NTRK1: variants seen among roughly 807,000 people sequenced by gnomAD.
The protein encoded by NTRK1 is high affinity nerve growth factor receptor.
In NTRK1, 62 loss-of-function variants were observed where a neutral mutation model predicts 86.8. That is an observed-to-expected ratio of 0.71 (90% CI 0.58 to 0.88). NTRK1 has a LOEUF of 0.88. Ranked by LOEUF, NTRK1 falls within the 40% of genes least tolerant of loss-of-function variation. The pLI, the probability that NTRK1 is intolerant of heterozygous loss-of-function variation, is 0.00. For missense variants in NTRK1, 967 were observed against 1,078.4 expected (o/e 0.90, Z 1.45); for synonymous variants, 469 against 456.6 (o/e 1.03, Z -0.35).
At chr1:156,837,814 G>A (rs1654634359) in intron 1 of NTRK1, 1 of 152,218 alleles carries the variant, frequency 6.6e-6, no homozygotes, top group Admixed American at 6.5e-5. Flanking sequence ...CCAAGGGCAA[G>A]GTCCAAAGTG....
chr1:156,836,737 ATGAGGAG>A (rs1405509797), intron 1 of NTRK1, among the ~76,000 whole-genome samples: 81 of 28,558 alleles, frequency 2.8e-3, no homozygotes, highest in Middle Eastern at 0.059. Flanking sequence ...ACAGGGCTGA[ATGAGGAG>A]CATATTTCAC....
chr1:156,874,053 T>A, intron 8 of NTRK1, 94 bp downstream of exon 8: 1 of 1,349,290 alleles, frequency 7.4e-7, no homozygotes, highest in Non-Finnish European at 1.0e-6. Flanking sequence ...GAAATTGGAG[T>A]GCCTGGTTCG....
chr1:156,876,028 C>T (rs1235956333), intron 12 of NTRK1, 52 bp from the exon 13 acceptor site: 10 of 1,613,776 alleles, frequency 6.2e-6, no homozygotes, highest in Non-Finnish European at 8.5e-6. Flanking sequence ...CCCGCTACAA[C>T]CCCAGCCCTC....
intron 2 of NTRK1, 30 bp downstream of exon 2, chr1:156,864,458 G>A (rs2102885479): frequency 6.2e-7 from 1 of 1,605,440 alleles, no homozygotes; most frequent in South Asian, 1.1e-5. Context: ...TGGGTGTGGA[G>A]CTCAGCATGG....
chr1:156,879,967 C>T (rs1558108606), intron 15 of NTRK1, 32 bp from the exon 16 acceptor site: 1 of 1,610,886 alleles, frequency 6.2e-7, no homozygotes. Context: ...CCCAGGCGCC[C>T]CTGGAATTGA....
At chr1:156,874,693 T>A (rs962675742) in intron 10 of NTRK1, 67 bp downstream of exon 10, 1 of 1,500,628 alleles carries the variant, frequency 6.7e-7, no homozygotes, top group Non-Finnish European at 9.2e-7. Flanking sequence ...CTCATCTGCA[T>A]GTCATTTCTG....
intron 3 of NTRK1, among the ~76,000 whole-genome samples, chr1:156,866,105 G>A (rs1474142512): frequency 6.6e-6 from 1 of 152,208 alleles, no homozygotes; most frequent in Non-Finnish European, 1.5e-5. Context: ...TGGCAGGATA[G>A]AACTTACACC....
At chr1:156,864,891 G>A (rs1004753732) in intron 3 of NTRK1, 92 bp downstream of exon 3, 18 of 1,286,652 alleles carry the variant, frequency 1.4e-5, no homozygotes, top group Admixed American at 5.9e-5. Flanking sequence ...GAATGATTGC[G>A]AGGAGGGCCC....
At chr1:156,851,172 A>G in intron 2 of NTRK1, 1 of 1,056,664 alleles carries the variant, frequency 9.5e-7, no homozygotes. Context: ...ACCTACTTAG[A>G]GTCACACGCC....
intron 2 of NTRK1, chr1:156,848,960 G>A (rs779090501): frequency 1.2e-6 from 2 of 1,601,786 alleles, no homozygotes; most frequent in East Asian, 2.3e-5. Flanking sequence ...CAGGTCGCGG[G>A]CCTCCAGTGG....
In NTRK1 at chr1:156,874,759, G is replaced by A; in HGVS notation, c.1251+133G>A. On this transcript the variant is annotated intron_variant, in intron 10 of 16. Coordinates refer to ENST00000524377, the MANE Select transcript of NTRK1 (RefSeq NM_002529.4). ...CTGAGCTCTGACGGCCACCCGCACA[G>A]CCACTGCAGGGGTCCCCAGGGGAGG... 6 of 1,187,918 alleles carry A rather than the reference G, an allele frequency of 5.1e-6. No individual in the cohort carries two copies. In the South Asian group the frequency reaches 7.6e-5, roughly 15 times the overall value. The allele number at this position is 1,187,918 out of a possible 1,614,324, so 73.6% of individuals were successfully genotyped here.
chr1:156,845,493 G>C, intron 2 of NTRK1: 1 of 1,505,410 alleles, frequency 6.6e-7, no homozygotes. Flanking sequence ...GCCTCCAAAA[G>C]CACCCACAAC....
chr1:156,830,906 G>A (rs1045791460), intron 1 of NTRK1, among the ~76,000 whole-genome samples: 2 of 152,216 alleles, frequency 1.3e-5, no homozygotes, highest in African/African-American at 4.8e-5. Context: ...AGAGGCTTGG[G>A]TATTTTCTTA....
chr1:156,863,709 G>A (rs1655790543), intron 1 of NTRK1, among the ~76,000 whole-genome samples: 1 of 152,094 alleles, frequency 6.6e-6, no homozygotes, highest in African/African-American at 2.4e-5. Flanking sequence ...TAGTACAGGT[G>A]AGACCAGGCA....
rs2102906196 is a variant in NTRK1 at position 156,873,901 on chromosome 1, C to T, written c.1119C>T (p.Ser373=). Residue 373 remains serine (S), a synonymous_variant, in exon 8 of 17, where the codon TCC becomes TCT. Coordinates refer to ENST00000524377, the MANE Select transcript of NTRK1 (RefSeq NM_002529.4). ...AANPFGQASA[S]IMAAFMDNPF... ...ACCCCTTCGGCCAGGCCTCCGCCTC[C>T]ATCATGGCTGCCTTCATGGACAACC... 6.4e-7 allele frequency: 1 copy of T among 1,573,592 alleles called. No homozygotes were observed. Among genetic ancestry groups the T allele is most frequent in the Non-Finnish European group, 8.6e-7 (1 of 1,158,648 alleles).
rs773828967 is a variant in NTRK1 at position 156,868,120 on chromosome 1, C to G, written c.445C>G (p.Pro149Ala). ...GCCCCCCAGGGTCCTGTCGGGGAAC[C>G]CTCTGCACTGTTCTTGTGCCCTGCG... ...SLQELVLSGN[P>A]LHCSCALRWL... The change falls in exon 5 of 17, where the codon CCT becomes GCT. Residue 149 changes from proline to alanine, a missense_variant. Pro to Ala is a conservative substitution (Grantham distance 27). This residue lies in a region of NTRK1 where 330 missense variants were observed against 302.0 expected (regional missense o/e 1.09). Transcript: ENST00000524377. 2.5e-6 allele frequency: 4 copies of G among 1,613,988 alleles called. No homozygotes were observed. The highest frequency in any genetic ancestry group is 2.2e-5 in the South Asian group (2 of 91,088).
rs780153033 is a variant in NTRK1, at chr1:156,881,674, C to T, written c.*32C>T. ...GGCCCAGGGGCTGGGAGTGGTTAGCCGGAATACTGGGGCCTGCCCTCAGCA... is the reference window on the plus strand; with the variant it reads ...GGCCCAGGGGCTGGGAGTGGTTAGCTGGAATACTGGGGCCTGCCCTCAGCA... On this transcript the variant is annotated 3_prime_UTR_variant, in exon 17 of 17. Coordinates refer to ENST00000524377, the MANE Select transcript of NTRK1 (RefSeq NM_002529.4). The T allele has an allele frequency of 1.1e-5, 17 of 1,578,582 alleles. No homozygotes were observed. Among genetic ancestry groups the T allele is most frequent in the Non-Finnish European group, 1.3e-5 (15 of 1,162,480 alleles).
rs148478415 is a variant in NTRK1, at chr1:156,874,890, C to T, written c.1252-16C>T. 122 of 1,586,244 alleles carry T rather than the reference C, an allele frequency of 7.7e-5. No individual in the cohort carries two copies. In the African/African-American group the frequency reaches 9.3e-4, roughly 12 times the overall value. The stretch of plus-strand genomic sequence containing the variant: ...AGGAGGAGCCCCTGGATCTAACTAC[C>T]CCTGTCCCCCACCAGGTCTCGGTGG... On this transcript the variant is annotated splice_polypyrimidine_tract_variant and intron_variant, in intron 10 of 16. Transcript: ENST00000524377.
In NTRK1 at chr1:156,849,432, G is replaced by C. The variant is rs1213469576; in HGVS notation, c.50+7239G>C. The C allele has an allele frequency of 4.3e-6, 7 of 1,613,438 alleles. No homozygotes were observed. The African/African-American group carries it at 5.4e-5, about 12-fold the overall frequency. Reference sequence around the variant, plus strand: ...CAGGACCCTAGCTGTTGTAGGTTCTGGTTGTCCAGCACGTAGAGAGTGTAG... The same window carrying C: ...CAGGACCCTAGCTGTTGTAGGTTCTCGTTGTCCAGCACGTAGAGAGTGTAG... On this transcript the variant is annotated intron_variant, in intron 2 of 16. Transcript: ENST00000392302.
Sources: allele counts gnomAD v4.1 joint callset (sites outside exome capture counted in the v4.1 genomes callset), GRCh38; gene constraint gnomAD v4.1.1; regional missense constraint gnomAD v4.1.1; transcripts MANE v1.5; gene names NCBI Gene and HGNC (gene_info 2026-07-23, HGNC 2026-07-21).